LRRC1: variants seen among roughly 807,000 people sequenced by gnomAD.
The protein encoded by LRRC1 is leucine-rich repeat-containing protein 1.
LRRC1 carries 28 observed loss-of-function variants against 69.9 expected under a neutral mutation model. The ratio of observed to expected loss-of-function variants is 0.40; its 90% CI spans 0.30 to 0.55. LRRC1 has a LOEUF of 0.55. Ranked by LOEUF, LRRC1 falls within the 20% of genes least tolerant of loss-of-function variation. The probability of loss-of-function intolerance (pLI) is 0.47; values close to 1 mark genes in which losing one functional copy is unlikely to be tolerated. For synonymous variants in LRRC1, 236 were observed against 240.2 expected (o/e 0.98, Z 0.16); for missense variants, 498 against 609.0 (o/e 0.82, Z 1.92).
At chr6:53,882,003 C>T (rs58060095) in intron 3 of LRRC1, among the ~76,000 whole-genome samples, 3 of 152,030 alleles carry the variant, frequency 2.0e-5, no homozygotes, top group African/African-American at 7.2e-5. Context: ...CATAGTAAAA[C>T]ATAAAATTAT....
chr6:53,860,224 A>G lies in LRRC1; in HGVS notation c.277+17997A>G, dbSNP rs940406693. Among the ~76,000 whole-genome samples the G allele has an allele frequency of 3.9e-5, 6 of 152,244 alleles. No homozygotes were observed. In the South Asian group the frequency reaches 1.2e-3, roughly 31 times the overall value. On this transcript the variant is annotated intron_variant, in intron 2 of 13. Coordinates refer to ENST00000370888, the MANE Select transcript of LRRC1 (RefSeq NM_018214.5). ...CAAAATTTTCTCATAACAGTACGTC[A>G]TAAGCACCACTCATTATAATTCTAA...
chr6:53,914,400 T>C (rs1304859622), intron 11 of LRRC1, among the ~76,000 whole-genome samples: 1 of 152,202 alleles, frequency 6.6e-6, no homozygotes, highest in Non-Finnish European at 1.5e-5. Flanking sequence ...CTTGATATAC[T>C]CTGCTGGTGA....
At chr6:53,886,051 G>A (rs1211844774) in intron 4 of LRRC1, among the ~76,000 whole-genome samples, 1 of 152,042 alleles carries the variant, frequency 6.6e-6, no homozygotes, top group Non-Finnish European at 1.5e-5. Flanking sequence ...AAGTGTTTAT[G>A]TCCTAATAAC....
At position 53,886,294 on chromosome 6, in the gene LRRC1, A is replaced by G. The variant is rs527630951; in HGVS notation, c.446+3318A>G. ...GCATATTTCTGATCAGAAAAACATC[A>G]AACTTCCAAGCAAAAACCCAAAACA... is the stretch of plus-strand genomic sequence containing the variant. On this transcript the variant is annotated intron_variant, in intron 4 of 13. Coordinates refer to ENST00000370888, the MANE Select transcript of LRRC1 (RefSeq NM_018214.5). Among the ~76,000 whole-genome samples, 276 of 152,326 alleles carry G rather than the reference A, an allele frequency of 1.8e-3. 1 individual carries two copies. Among genetic ancestry groups the G allele is most frequent in the African/African-American group, 6.5e-3 (271 of 41,576 alleles).
intron 1 of LRRC1, among the ~76,000 whole-genome samples, chr6:53,821,328 C>T (rs1470996584): frequency 6.6e-6 from 1 of 152,164 alleles, no homozygotes; most frequent in South Asian, 2.1e-4. Context: ...TCATGGGCTC[C>T]TTTCTCCATT....
At chr6:53,799,050 G>A (rs141433069) in intron 1 of LRRC1, among the ~76,000 whole-genome samples, 33 of 152,278 alleles carry the variant, frequency 2.2e-4, no homozygotes, top group Middle Eastern at 3.4e-3. Flanking sequence ...GTAATCTCCA[G>A]CACCAATATA....
At chr6:53,900,979 G>A (rs975425125) in intron 8 of LRRC1, among the ~76,000 whole-genome samples, 3 of 152,194 alleles carry the variant, frequency 2.0e-5, no homozygotes, top group African/African-American at 7.2e-5. Context: ...GTGGTATGTG[G>A]TCAAGATGAA....
chr6:53,844,540 G>A (rs964989870), intron 2 of LRRC1, among the ~76,000 whole-genome samples: 17 of 152,246 alleles, frequency 1.1e-4, no homozygotes, highest in Admixed American at 9.8e-4. Flanking sequence ...GCATCTTCCC[G>A]TGTGTCCCCT....
rs1419392134 is a variant in LRRC1 at position 53,900,031 on chromosome 6, T to TGTTTG, written c.787+140_787+141insGTTTG. 1.1e-4 allele frequency: 23 copies of TGTTTG among 202,284 alleles called. No individual in the cohort carries two copies. The African/African-American group carries it at 1.5e-3, about 13-fold the overall frequency. 12.5% of individuals were successfully genotyped at this position (202,284 alleles called of 1,614,324 possible). A position where few individuals can be genotyped will look rare whatever the true frequency, so the allele number is the denominator to read the frequency against. On this transcript the variant is annotated intron_variant, in intron 8 of 13. Coordinates refer to ENST00000370888, the MANE Select transcript of LRRC1 (RefSeq NM_018214.5). ...AAAGTCTCCTTACTGTTTTTTTTTT[T>TGTTTG]TTTTTTTTTTTTTTTTTTTTTTCTG...
chr6:53,870,570 A>C (rs181618619), intron 2 of LRRC1, among the ~76,000 whole-genome samples: 1 of 152,182 alleles, frequency 6.6e-6, no homozygotes, highest in Non-Finnish European at 1.5e-5. Context: ...ACATTTATAC[A>C]GTGCATAGTG....
At chr6:53,920,292 T>C (rs1414767828) in intron 12 of LRRC1, among the ~76,000 whole-genome samples, 1 of 152,204 alleles carries the variant, frequency 6.6e-6, no homozygotes, top group Non-Finnish European at 1.5e-5. Flanking sequence ...TGAAGTTGTA[T>C]AAAATAAGCA....
At chr6:53,817,267 T>G (rs989357446) in intron 1 of LRRC1, among the ~76,000 whole-genome samples, 2 of 152,182 alleles carry the variant, frequency 1.3e-5, no homozygotes, top group Admixed American at 1.3e-4. Context: ...CTGAGCTCCT[T>G]GAGGGAAGGG....
chr6:53,845,847 T>C (rs150767276), intron 2 of LRRC1, among the ~76,000 whole-genome samples: 197 of 152,234 alleles, frequency 1.3e-3, no homozygotes, highest in African/African-American at 4.7e-3. Flanking sequence ...AGGAGAAGGA[T>C]CTTAGACATC....
rs929946136 is a variant in LRRC1, at chr6:53,837,422, C to T, written c.160-4688C>T. Among the ~76,000 whole-genome samples the T allele has an allele frequency of 5.9e-5, 9 of 151,746 alleles. No individual in the cohort carries two copies. The South Asian group carries it at 6.3e-4, about 11-fold the overall frequency. Reference sequence around the variant, plus strand: ...AAAGGCAGTCTAGGTTGATGGGGACCGGAGTAGGGATGGTATGAGAGTTAT... The same window carrying T: ...AAAGGCAGTCTAGGTTGATGGGGACTGGAGTAGGGATGGTATGAGAGTTAT... On this transcript the variant is annotated intron_variant, in intron 1 of 13. Transcript: ENST00000370888.
chr6:53,864,855 A>G (rs1358820634), intron 2 of LRRC1, among the ~76,000 whole-genome samples: 1 of 152,144 alleles, frequency 6.6e-6, no homozygotes, highest in African/African-American at 2.4e-5. Flanking sequence ...AGTGGCAGTG[A>G]CACCAGCTGT....
intron 1 of LRRC1, among the ~76,000 whole-genome samples, chr6:53,799,488 C>A (rs1241250292): frequency 6.6e-6 from 1 of 152,226 alleles, no homozygotes; most frequent in Non-Finnish European, 1.5e-5. Flanking sequence ...GACTTTTGTA[C>A]ACCAATCTGG....
At chr6:53,858,206 C>T (rs1466059890) in intron 2 of LRRC1, among the ~76,000 whole-genome samples, 2 of 152,030 alleles carry the variant, frequency 1.3e-5, no homozygotes, top group African/African-American at 4.8e-5. Flanking sequence ...GTCCCTCCTT[C>T]TAAGACTCTA....
chr6:53,876,315 T>TC (rs1767068201), intron 2 of LRRC1, among the ~76,000 whole-genome samples: 1 of 152,050 alleles, frequency 6.6e-6, no homozygotes, highest in African/African-American at 2.4e-5. Context: ...ACCGGGTCCC[T>TC]CCCACAACAC....
chr6:53,800,312 C>T (rs1351972611), intron 1 of LRRC1, among the ~76,000 whole-genome samples: 1 of 135,114 alleles, frequency 7.4e-6, no homozygotes, highest in Non-Finnish European at 1.5e-5. Context: ...AGTGCAGTGG[C>T]GCGATCTCAG....
Sources: gnomAD v4.1 joint callset for allele counts (sites outside exome capture counted in the v4.1 genomes callset) on GRCh38, gnomAD v4.1.1 for gene constraint, MANE v1.5 for transcripts, NCBI Gene and HGNC (gene_info 2026-07-23, HGNC 2026-07-21) for gene names.